PAQR6: variants seen among roughly 807,000 people sequenced by gnomAD.
PAQR6 encodes the protein membrane progestin receptor delta.
In PAQR6, 34 loss-of-function variants were observed where a neutral mutation model predicts 36.2. The ratio of observed to expected loss-of-function variants is 0.94; its 90% CI spans 0.71 to 1.25. The LOEUF (loss-of-function observed/expected upper bound fraction) is 1.25, where lower values mean the gene tolerates loss of function less well. PAQR6 is among the 50% of genes most tolerant of loss of function. PAQR6 has a pLI of 0.00. For missense variants in PAQR6, 431 were observed against 445.7 expected (o/e 0.97, Z 0.30); for synonymous variants, 190 against 190.7 (o/e 1.00, Z 0.03).
rs1660346795 is a variant in PAQR6, at chr1:156,245,808, T to C, written c.359A>G (p.Tyr120Cys). Reference sequence around the variant, plus strand: ...CAGACTGTAGAGGCTGAGCGCGCCGTAGTCGAGGAAGTAGCAGATGTGGCG... The same window carrying C: ...CAGACTGTAGAGGCTGAGCGCGCCGCAGTCGAGGAAGTAGCAGATGTGGCG... ...RMRHICYFLD[Y>C]GALSLYSLGC... The change falls in exon 4 of 8, where the codon TAC becomes TGC. Residue 120 changes from tyrosine (Y) to cysteine (C), a missense_variant. Coordinates refer to ENST00000292291, the MANE Select transcript of PAQR6 (RefSeq NM_198406.3). The C allele has an allele frequency of 1.2e-6, 2 of 1,603,784 alleles. No individual in the cohort carries two copies. Among genetic ancestry groups the C allele is most frequent in the Non-Finnish European group, 1.7e-6 (2 of 1,175,742 alleles).
At chr1:156,246,289 C>T (rs1660476180) in intron 2 of PAQR6, 39 bp from the exon 3 acceptor site, 10 of 1,545,754 alleles carry the variant, frequency 6.5e-6, no homozygotes, top group Non-Finnish European at 8.9e-6. Context: ...TCACTGTGCC[C>T]GGACCCTTTC....
chr1:156,244,596 G>A (rs1049931712), intron 7 of PAQR6, 165 bp downstream of exon 7: 3 of 1,464,542 alleles, frequency 2.0e-6, no homozygotes, highest in African/African-American at 2.8e-5. Flanking sequence ...GAAGTGGCAG[G>A]TGGAGGACCC....
chr1:156,244,121 A>C lies in PAQR6; in HGVS notation c.*8T>G. The C allele has an allele frequency of 6.2e-7, 1 of 1,605,314 alleles. No individual in the cohort carries two copies. The highest frequency in any genetic ancestry group is 8.5e-7 in the Non-Finnish European group (1 of 1,173,456). ...TGCCCCCTCCAGGACAGGGTCAGGG[A>C]TGGGGCCTCACTGTTGTTTGGCCTG... is the stretch of plus-strand genomic sequence containing the variant. On this transcript the variant is annotated 3_prime_UTR_variant, in exon 8 of 8. Coordinates refer to ENST00000292291, the MANE Select transcript of PAQR6 (RefSeq NM_198406.3).
intron 5 of PAQR6, 104 bp downstream of exon 5, chr1:156,245,431 A>T: frequency 6.6e-7 from 1 of 1,512,978 alleles, no homozygotes; most frequent in Non-Finnish European, 9.0e-7. Flanking sequence ...GGAAGTCCTC[A>T]GTACATGGTC....
At position 156,245,946 on chromosome 1, in the gene PAQR6, C is replaced by G; in HGVS notation, c.221G>C (p.Gly74Ala). The G allele has an allele frequency of 4.6e-6, 7 of 1,524,450 alleles. No homozygotes were observed. The highest frequency in any genetic ancestry group is 6.1e-6 in the Non-Finnish European group (7 of 1,138,878). 94.4% of individuals were successfully genotyped at this position (1,524,450 alleles called of 1,614,324 possible). A position where few individuals can be genotyped will look rare whatever the true frequency, so the allele number is the denominator to read the frequency against. The change falls in exon 4 of 8, where the codon GGC becomes GCC. Residue 74 changes from glycine to alanine, a missense_variant. Physicochemically the swap from Gly to Ala is moderately conservative, Grantham distance 60 (BLOSUM62 0). Transcript: ENST00000292291. ...CCAGTGGTACGGCTCCGCACGGAAG[C>G]CGGGGCCGCCCGCCAGCGCCAGGAG... Reference protein sequence around the residue: ...WRLLALAGGPGFRAEPYHWPL... With the variant: ...WRLLALAGGPAFRAEPYHWPL...
Position 156,246,119 on chromosome 1 carries a change from T to C in PAQR6, c.179+4A>G, listed in dbSNP as rs749221265. ...CCGCGGCCTGGGGCGGAGCCTCCCCTCACCAGGTGGGCAGGAAGTGAGTCC... is the reference window on the plus strand; with the variant it reads ...CCGCGGCCTGGGGCGGAGCCTCCCCCCACCAGGTGGGCAGGAAGTGAGTCC... On this transcript the variant is annotated splice_donor_region_variant and intron_variant, in intron 3 of 7. Coordinates refer to ENST00000292291, the MANE Select transcript of PAQR6 (RefSeq NM_198406.3). The C allele has an allele frequency of 3.7e-6, 6 of 1,611,242 alleles. No homozygotes were observed. Among genetic ancestry groups the C allele is most frequent in the Non-Finnish European group, 5.1e-6 (6 of 1,179,968 alleles).
chr1:156,244,852 A>G lies in PAQR6; in HGVS notation c.669T>C (p.His223=). Residue 223 remains histidine, a synonymous_variant, in exon 7 of 8, where the codon CAT becomes CAC. Coordinates refer to ENST00000292291, the MANE Select transcript of PAQR6 (RefSeq NM_198406.3). ...GCGQEALSTS[H]GYHLFCALLT... is the part of the protein sequence containing the mutation. ...GCAGCGCGCAGAAGAGATGGTAGCCATGGCTGGTGCTCAGGGCCTCCTGCC... is the reference window on the plus strand; with the variant it reads ...GCAGCGCGCAGAAGAGATGGTAGCCGTGGCTGGTGCTCAGGGCCTCCTGCC... 4 of 1,613,416 alleles carry G rather than the reference A, an allele frequency of 2.5e-6. No homozygotes were observed. The highest frequency in any genetic ancestry group is 3.4e-6 in the Non-Finnish European group (4 of 1,180,000).
At chr1:156,247,629 C>T (rs1306030092) in intron 1 of PAQR6, 1 of 160,454 alleles carries the variant, frequency 6.2e-6, no homozygotes, top group Non-Finnish European at 1.4e-5. Flanking sequence ...TGCTGGAGAC[C>T]CTGCTGGGCA....
chr1:156,245,931 G>A lies in PAQR6; in HGVS notation c.236C>T (p.Pro79Leu), dbSNP rs981280617. The A allele has an allele frequency of 1.3e-6, 2 of 1,546,770 alleles. No individual in the cohort carries two copies. The highest frequency in any genetic ancestry group is 1.4e-5 in the African/African-American group (1 of 73,068). Reference protein sequence around the residue: ...LAGGPGFRAEPYHWPLLVFLL... With the variant: ...LAGGPGFRAELYHWPLLVFLL... ...GAAGACCAGCAGCGGCCAGTGGTACGGCTCCGCACGGAAGCCGGGGCCGCC... is the reference window on the plus strand; with the variant it reads ...GAAGACCAGCAGCGGCCAGTGGTACAGCTCCGCACGGAAGCCGGGGCCGCC... The change falls in exon 4 of 8, where the codon CCG becomes CTG. Residue 79 changes from proline to leucine, a missense_variant. Pro to Leu is a moderately conservative substitution (Grantham distance 98). Coordinates refer to ENST00000292291, the MANE Select transcript of PAQR6 (RefSeq NM_198406.3).
At position 156,246,642 on chromosome 1, in the gene PAQR6, G is replaced by C. The variant is rs1274869195; in HGVS notation, c.51+39C>G. On this transcript the variant is annotated intron_variant, in intron 2 of 7. Coordinates refer to ENST00000292291, the MANE Select transcript of PAQR6 (RefSeq NM_198406.3). ...CGTCAGCCCCTAGTCAGTCCTCTAG[G>C]GAATGGGGGTTGGTGGGTCAGTGGG... 6 of 1,607,392 alleles carry C rather than the reference G, an allele frequency of 3.7e-6. No homozygotes were observed. The African/African-American group carries it at 8.0e-5, about 22-fold the overall frequency.
In PAQR6 at chr1:156,244,142, G is replaced by T; in HGVS notation, c.1022C>A (p.Ala341Asp). The change falls in exon 8 of 8, where the codon GCC becomes GAC. Residue 341 changes from alanine (A) to aspartate (D), a missense_variant. Physicochemically the swap from Ala to Asp is moderately radical, Grantham distance 126. Coordinates refer to ENST00000292291, the MANE Select transcript of PAQR6 (RefSeq NM_198406.3). Reference sequence around the variant, plus strand: ...AGGGATGGGGCCTCACTGTTGTTTGGCCTGGGTACCCCCCTCCAGTGGGCC... The same window carrying T: ...AGGGATGGGGCCTCACTGTTGTTTGTCCTGGGTACCCCCCTCCAGTGGGCC... ...QGGPLEGGTQ[A>D]KQQ The T allele has an allele frequency of 6.2e-7, 1 of 1,603,822 alleles. No homozygotes were observed. The highest frequency in any genetic ancestry group is 8.5e-7 in the Non-Finnish European group (1 of 1,172,122).
At position 156,244,134 on chromosome 1, in the gene PAQR6, G is replaced by A. The variant is rs1659793903; in HGVS notation, c.1030C>T (p.Gln344Ter). Reference protein sequence around the residue: ...PLEGGTQAKQQ With the variant: ...PLEGGTQAKQ ...ACAGGGTCAGGGATGGGGCCTCACT[G>A]TTGTTTGGCCTGGGTACCCCCCTCC... is the stretch of plus-strand genomic sequence containing the variant. Residue 344 changes from glutamine (Q) to a stop codon, truncating the protein, a stop_gained, in exon 8 of 8, where the codon CAG (glutamine) becomes TAG (stop). Transcript: ENST00000292291. LOFTEE classifies it high-confidence loss of function. 1 of 1,603,888 alleles carries A rather than the reference G, an allele frequency of 6.2e-7. No individual in the cohort carries two copies. The highest frequency in any genetic ancestry group is 8.5e-7 in the Non-Finnish European group (1 of 1,172,352).
At chr1:156,246,816 A>T (rs1455830372) in intron 1 of PAQR6, 60 bp from the exon 2 acceptor site, 9 of 1,433,860 alleles carry the variant, frequency 6.3e-6, no homozygotes, top group Non-Finnish European at 6.7e-6. Context: ...GGCCCCTTTC[A>T]CCTGGGTTCA....
rs11552752 is a variant in PAQR6 at position 156,246,184 on chromosome 1, G to A, written c.118C>T (p.Leu40Phe). 1.9e-6 allele frequency: 3 copies of A among 1,613,682 alleles called. No individual in the cohort carries two copies. Among genetic ancestry groups the A allele is most frequent in the Non-Finnish European group, 2.5e-6 (3 of 1,180,034 alleles). The change falls in exon 3 of 8, where the codon CTC (leucine) becomes TTC (phenylalanine). Residue 40 changes from leucine (L) to phenylalanine (F), a missense_variant. Transcript: ENST00000292291. ...RPTSSALDCV[L>F]SSFQMTNETV... ...TCGTTGGTCATCTGGAAGGAGCTGA[G>A]GACACAGTCCAAAGCCGAGCTGGTG... is the stretch of plus-strand genomic sequence containing the variant.
Position 156,245,175 on chromosome 1 carries a change from T to C in PAQR6, c.576A>G (p.Pro192=). The C allele has an allele frequency of 6.2e-7, 1 of 1,614,020 alleles. No homozygotes were observed. Among genetic ancestry groups the C allele is most frequent in the Non-Finnish European group, 8.5e-7 (1 of 1,179,998 alleles). Residue 192 remains proline, a synonymous_variant, in exon 6 of 8, where the codon CCA becomes CCG. Coordinates refer to ENST00000292291, the MANE Select transcript of PAQR6 (RefSeq NM_198406.3). ...AGAGTGGGAGGTTGTCGAACAGGAATGGATAGGCGAAGGCTCCTGTGCGGA... is the reference window on the plus strand; with the variant it reads ...AGAGTGGGAGGTTGTCGAACAGGAACGGATAGGCGAAGGCTCCTGTGCGGA... The part of the protein sequence containing the change: ...KVLRTGAFAY[P]FLFDNLPLFY...
At chr1:156,247,531 T>C (rs1206420270) in intron 1 of PAQR6, 1 of 153,076 alleles carries the variant, frequency 6.5e-6, no homozygotes, top group African/African-American at 2.4e-5. Context: ...GCCCCTCTTC[T>C]TGCCACCAGC....
At position 156,244,813 on chromosome 1, in the gene PAQR6, G is replaced by C; in HGVS notation, c.708C>G (p.Leu236=). The C allele has an allele frequency of 6.2e-7, 1 of 1,613,634 alleles. No individual in the cohort carries two copies. The highest frequency in any genetic ancestry group is 2.2e-5 in the East Asian group (1 of 44,876). Residue 236 remains leucine (L), a synonymous_variant, in exon 7 of 8, where the codon CTC becomes CTG. Transcript: ENST00000292291. The part of the protein sequence containing the change: ...HLFCALLTGF[L]FASHLPERLA... ...GCCTTTCAGGCAGGTGGGAGGCGAA[G>C]AGGAAGCCAGTGAGCAGCGCGCAGA...
chr1:156,244,692 A>C, intron 7 of PAQR6, 69 bp downstream of exon 7: 1 of 1,612,248 alleles, frequency 6.2e-7, no homozygotes, highest in Non-Finnish European at 8.5e-7. Context: ...CCATTTACCC[A>C]GTTCATTCTG....
Position 156,245,248 on chromosome 1 carries a change from G to A in PAQR6, c.513-10C>T, listed in dbSNP as rs1223303569. On this transcript the variant is annotated splice_polypyrimidine_tract_variant and intron_variant, in intron 5 of 7. Transcript: ENST00000292291. ...TTCCAGCTCCAGGAAACTGGGAGGCGGGAGGAAAAGGCCGGTCACCATCGC... is the reference window on the plus strand; with the variant it reads ...TTCCAGCTCCAGGAAACTGGGAGGCAGGAGGAAAAGGCCGGTCACCATCGC... 5 of 1,610,186 alleles carry A rather than the reference G, an allele frequency of 3.1e-6. No individual in the cohort carries two copies. Among genetic ancestry groups the A allele is most frequent in the African/African-American group, 1.3e-5 (1 of 74,848 alleles).
Sources: gnomAD v4.1 joint callset for allele counts on GRCh38, gnomAD v4.1.1 for gene constraint, MANE v1.5 for transcripts, NCBI Gene and HGNC (gene_info 2026-07-23, HGNC 2026-07-21) for gene names.